PABPC4L: variants seen among roughly 807,000 people sequenced by gnomAD.
PABPC4L encodes polyadenylate-binding protein 4-like.
For synonymous variants in PABPC4L, 169 were observed against 164.1 expected, an observed-to-expected ratio of 1.03 and a Z score of -0.23; for missense variants, 452 against 451.4, an observed-to-expected ratio of 1.00 and a Z score of -0.01.
the PABPC4L span, among the ~76,000 whole-genome samples, chr4:134,170,940 C>T: frequency 1.3e-5 from 2 of 152,162 alleles, no homozygotes; most frequent in African/African-American, 2.4e-5. Context: ...AAATAATTTG[C>T]ATTTCCCCCA....
At chr4:134,106,447 GAGAA>G in the PABPC4L span, among the ~76,000 whole-genome samples, 2 of 150,742 alleles carry the variant, frequency 1.3e-5, no homozygotes, top group African/African-American at 4.9e-5. Flanking sequence ...AAGAAAGAAA[GAGAA>G]AGAAAGAAAA....
chr4:133,985,518 T>G, the PABPC4L span, among the ~76,000 whole-genome samples: 1 of 151,980 alleles, frequency 6.6e-6, no homozygotes, highest in African/African-American at 2.4e-5. Context: ...TTTCTCATAT[T>G]CATAATTTTT....
chr4:134,030,915 G>A, the PABPC4L span, among the ~76,000 whole-genome samples: 1 of 151,934 alleles, frequency 6.6e-6, no homozygotes, highest in Non-Finnish European at 1.5e-5. Flanking sequence ...GCAGCCAACA[G>A]AGTCTGTTTA....
the PABPC4L span, among the ~76,000 whole-genome samples, chr4:134,085,442 C>T: frequency 6.6e-6 from 1 of 151,956 alleles, no homozygotes. Context: ...ACATAATACA[C>T]AAACACACAC....
At chr4:134,185,977 A>G in the PABPC4L span, among the ~76,000 whole-genome samples, 30 of 152,188 alleles carry the variant, frequency 2.0e-4, no homozygotes, top group Admixed American at 2.0e-4. Flanking sequence ...TCCAACTTAC[A>G]AGGGAGGTGA....
chr4:134,015,173 G>T, the PABPC4L span, among the ~76,000 whole-genome samples: 1 of 152,024 alleles, frequency 6.6e-6, no homozygotes, highest in African/African-American at 2.4e-5. Context: ...CCCGCAGTGC[G>T]CTTTAAAAAG....
the PABPC4L span, among the ~76,000 whole-genome samples, chr4:133,990,611 A>G: frequency 6.6e-6 from 1 of 152,146 alleles, no homozygotes; most frequent in Admixed American, 6.5e-5. Context: ...AGCACCACCA[A>G]TGAGAATGCA....
In PABPC4L at chr4:134,198,039, G is replaced by T. The variant is rs1729719776; in HGVS notation, c.*1868C>A. 1 of 151,610 alleles carries T rather than the reference G, an allele frequency of 6.6e-6. No homozygotes were observed. Among genetic ancestry groups the T allele is most frequent in the African/African-American group, 2.4e-5 (1 of 41,390 alleles). 9.4% of individuals were successfully genotyped at this position (151,610 alleles called of 1,614,324 possible). On this transcript the variant is annotated 3_prime_UTR_variant, in exon 2 of 2. Coordinates refer to ENST00000421491, the MANE Select transcript of PABPC4L (RefSeq NM_001114734.2). ...TTTATGACAGAGGAAGAAGAAAAAA[G>T]GAAGAAATTATCTAGCAACAAGAAG...
At chr4:134,078,214 C>G in the PABPC4L span, among the ~76,000 whole-genome samples, 1 of 152,128 alleles carries the variant, frequency 6.6e-6, no homozygotes, top group Non-Finnish European at 1.5e-5. Context: ...TTAGTTCACC[C>G]ATGTTCATGC....
chr4:134,021,876 C>G, the PABPC4L span, among the ~76,000 whole-genome samples: 22,752 of 152,058 alleles, frequency 0.15, 2,011 homozygotes, highest in Non-Finnish European at 0.19. Flanking sequence ...ACCATTTCCT[C>G]ATTAGTTACT....
chr4:134,200,854 C>T lies in PABPC4L; in HGVS notation c.166G>A (p.Val56Met), dbSNP rs1729844333. ...VTRRSLGYAY[V>M]NFLQLADAQK... Reference sequence around the variant, plus strand: ...GCATCAGCCAGCTGCAAGAAGTTCACGTAGGCATAGCCCAGAGAGCGGCGG... The same window carrying T: ...GCATCAGCCAGCTGCAAGAAGTTCATGTAGGCATAGCCCAGAGAGCGGCGG... The change falls in exon 2 of 2, where the codon GTG becomes ATG. Residue 56 changes from valine (V) to methionine (M), a missense_variant. Transcript: ENST00000421491. The T allele has an allele frequency of 6.4e-7, 1 of 1,569,380 alleles. No individual in the cohort carries two copies. The highest frequency in any genetic ancestry group is 8.6e-7 in the Non-Finnish European group (1 of 1,156,832).
At chr4:134,027,037 A>T in the PABPC4L span, among the ~76,000 whole-genome samples, 1 of 152,104 alleles carries the variant, frequency 6.6e-6, no homozygotes, top group Non-Finnish European at 1.5e-5. Context: ...CGCACTAGAA[A>T]ACTAATATAC....
the PABPC4L span, among the ~76,000 whole-genome samples, chr4:133,997,559 T>A: frequency 2.0e-5 from 3 of 152,268 alleles, no homozygotes; most frequent in African/African-American, 7.2e-5. Context: ...TGATGAATCT[T>A]GGCAAAGTAA....
the PABPC4L span, among the ~76,000 whole-genome samples, chr4:134,048,028 A>G: frequency 6.6e-6 from 1 of 152,060 alleles, no homozygotes; most frequent in Non-Finnish European, 1.5e-5. Flanking sequence ...TTTTTTCCCA[A>G]AAGTTTTATT....
downstream of PABPC4L, among the ~76,000 whole-genome samples, chr4:134,194,639 C>A (rs1251557785): frequency 6.6e-6 from 1 of 151,648 alleles, no homozygotes; most frequent in African/African-American, 2.4e-5. Flanking sequence ...TAATTAAATG[C>A]TTTCACCATA....
the PABPC4L span, among the ~76,000 whole-genome samples, chr4:134,157,423 T>C: frequency 6.6e-6 from 1 of 151,784 alleles, no homozygotes; most frequent in African/African-American, 2.4e-5. Context: ...GTTCAGTACT[T>C]CAATATCTTT....
At chr4:133,975,849 A>T in the PABPC4L span, among the ~76,000 whole-genome samples, 35 of 152,178 alleles carry the variant, frequency 2.3e-4, no homozygotes, top group Admixed American at 4.6e-4. Context: ...TTGAATCCTG[A>T]TATAAAAATA....
At chr4:133,973,543 A>T in the PABPC4L span, among the ~76,000 whole-genome samples, 1 of 152,110 alleles carries the variant, frequency 6.6e-6, no homozygotes, top group Non-Finnish European at 1.5e-5. Flanking sequence ...GCTTTGCATT[A>T]TCCTTGAAAA....
the PABPC4L span, among the ~76,000 whole-genome samples, chr4:134,079,294 T>A: frequency 4.7e-5 from 7 of 149,822 alleles, no homozygotes; most frequent in African/African-American, 1.5e-4. Flanking sequence ...TTAAAAAAAA[T>A]TGTGCAGCCG....
Sources: allele counts gnomAD v4.1 joint callset (sites outside exome capture counted in the v4.1 genomes callset), GRCh38; gene constraint gnomAD v4.1.1; transcripts MANE v1.5; gene names NCBI Gene and HGNC (gene_info 2026-07-23, HGNC 2026-07-21).